Variants in LRRC75B observed in about 807,000 individuals in gnomAD.
LRRC75B encodes leucine-rich repeat-containing protein 75B.
In LRRC75B, 20 loss-of-function variants were observed where a neutral mutation model predicts 16.5. That is an observed-to-expected ratio of 1.21 (90% CI 0.85 to 1.76). LRRC75B has a LOEUF of 1.76. Ranked by LOEUF, LRRC75B falls within the 40% of genes most tolerant of loss-of-function variation. The pLI is 0.00. For missense variants in LRRC75B, 406 were observed against 417.0 expected, an observed-to-expected ratio of 0.97 and a Z score of 0.23; for synonymous variants, 199 against 198.1, an observed-to-expected ratio of 1.00 and a Z score of -0.04.
In LRRC75B at chr22:24,586,163, G is replaced by T. The variant is rs750230451; in HGVS notation, c.671C>A (p.Thr224Asn). Reference protein sequence around the residue: ...LLNGNRLTRATARKLTDAIKD... With the variant: ...LLNGNRLTRANARKLTDAIKD... ...GATGGCATCAGTGAGCTTGCGGGCA[G>T]TGGCCCGCGTCAGTCGGTTGCCGTT... Residue 224 changes from threonine to asparagine, a missense_variant, in exon 4 of 4, where the codon ACT (threonine) becomes AAT (asparagine). Transcript: ENST00000318753. 3.7e-6 allele frequency: 6 copies of T among 1,613,404 alleles called. No individual in the cohort carries two copies. The Admixed American group carries it at 1.0e-4, about 27-fold the overall frequency.
intron 1 of LRRC75B, chr22:24,592,596 C>T (rs1033640060): frequency 3.2e-5 from 16 of 507,580 alleles, no homozygotes; most frequent in Non-Finnish European, 5.2e-5. Context: ...CCCCAAAGAC[C>T]CGGACACACT....
intron 1 of LRRC75B, among the ~76,000 whole-genome samples, chr22:24,591,407 G>A (rs1413636912): frequency 1.3e-5 from 2 of 152,226 alleles, no homozygotes; most frequent in African/African-American, 4.8e-5. Context: ...GACATTTTGA[G>A]AGCTGATGGG....
At chr22:24,590,670 C>G (rs1207707711) in intron 1 of LRRC75B, among the ~76,000 whole-genome samples, 1 of 152,148 alleles carries the variant, frequency 6.6e-6, no homozygotes, top group Non-Finnish European at 1.5e-5. Flanking sequence ...CCCACCTATC[C>G]CTTGGTTTTC....
At position 24,588,264 on chromosome 22, in the gene LRRC75B, G is replaced by C. The variant is rs765558674; in HGVS notation, c.372C>G (p.His124Gln). 6.2e-7 allele frequency: 1 copy of C among 1,613,652 alleles called. No individual in the cohort carries two copies. The highest frequency in any genetic ancestry group is 2.2e-5 in the East Asian group (1 of 44,882). The change falls in exon 3 of 4, where the codon CAC becomes CAG. Residue 124 changes from histidine to glutamine, a missense_variant. Transcript: ENST00000318753. ...CRQLIYHLTP[H>Q]SKQQQGSSLR... ...GGCTGGACCCTTGCTGCTGCTTCGA[G>C]TGAGGGGTGAGGTGGTAGATGAGCT...
chr22:24,591,101 C>T (rs964126409), intron 1 of LRRC75B, among the ~76,000 whole-genome samples: 23 of 152,206 alleles, frequency 1.5e-4, no homozygotes, highest in African/African-American at 7.2e-5. Context: ...TGTTTTGAGA[C>T]GGAGTTTTGC....
chr22:24,591,529 G>A (rs1366996991), intron 1 of LRRC75B, among the ~76,000 whole-genome samples: 1 of 152,214 alleles, frequency 6.6e-6, no homozygotes, highest in African/African-American at 2.4e-5. Context: ...GGCAGGGGAG[G>A]CCGTGGGTCA....
Position 24,585,997 on chromosome 22 carries a change from G to A in LRRC75B, c.837C>T (p.Gly279=). 1 of 1,610,728 alleles carries A rather than the reference G, an allele frequency of 6.2e-7. No individual in the cohort carries two copies. Among genetic ancestry groups the A allele is most frequent in the Non-Finnish European group, 8.5e-7 (1 of 1,179,852 alleles). The change falls in exon 4 of 4, where the codon GGC becomes GGT. Residue 279 remains glycine, a synonymous_variant. Transcript: ENST00000318753. Reference sequence around the variant, plus strand: ...CACTGCCCTCAGGCTCAAGGTCCAGGCCCTCGTAGATGGTGGGGAGTGAGG... The same window carrying A: ...CACTGCCCTCAGGCTCAAGGTCCAGACCCTCGTAGATGGTGGGGAGTGAGG... ...QRTSLPTIYE[G]LDLEPEGSAA... is the part of the protein sequence containing the mutation.
intron 1 of LRRC75B, among the ~76,000 whole-genome samples, chr22:24,591,834 G>A (rs1043218885): frequency 1.3e-5 from 2 of 152,230 alleles, no homozygotes; most frequent in East Asian, 1.9e-4. Context: ...GCCCCAGACC[G>A]CAACCTGCCA....
At chr22:24,592,208 T>A in intron 1 of LRRC75B, 1 of 437,814 alleles carries the variant, frequency 2.3e-6, no homozygotes. Context: ...GGATCTGGGT[T>A]TAGTGTACCT....
chr22:24,588,565 C>T (rs561747361), intron 2 of LRRC75B: 112 of 826,302 alleles, frequency 1.4e-4, no homozygotes, highest in Middle Eastern at 4.0e-4. Flanking sequence ...CCGCAGTGCC[C>T]GGCGGGAGGA....
Position 24,585,920 on chromosome 22 carries a change from A to G in LRRC75B, c.914T>C (p.Leu305Pro), listed in dbSNP as rs1569034006. The change falls in exon 4 of 4, where the codon CTG becomes CCG. Residue 305 changes from leucine (L) to proline (P), a missense_variant. Physicochemically the swap from Leu to Pro is moderately conservative, Grantham distance 98 (BLOSUM62 -3). Coordinates refer to ENST00000318753, the MANE Select transcript of LRRC75B (RefSeq NM_207644.3). ...ASTWDSTAAG[L>P]GPEPQACCAR ...ACAGCAGGCCTGGGGCTCGGGTCCC[A>G]GCCCAGCAGCTGTGGAGTCCCAGGT... 1.2e-6 allele frequency: 2 copies of G among 1,604,866 alleles called. No homozygotes were observed. The highest frequency in any genetic ancestry group is 2.2e-5 in the South Asian group (2 of 90,768).
chr22:24,588,516 G>A, intron 2 of LRRC75B, 187 bp from the exon 3 acceptor site: 1 of 758,244 alleles, frequency 1.3e-6, no homozygotes, highest in Non-Finnish European at 2.1e-6. Context: ...CAGAGCCAGG[G>A]GAGGCTGCCC....
At position 24,587,478 on chromosome 22, in the gene LRRC75B, G is replaced by T. The variant is rs535640374; in HGVS notation, c.422+736C>A. On this transcript the variant is annotated intron_variant, in intron 3 of 3. Coordinates refer to ENST00000318753, the MANE Select transcript of LRRC75B (RefSeq NM_207644.3). The stretch of plus-strand genomic sequence containing the variant: ...AGCCATGGCAGGGAACAACCTTGTG[G>T]GGTCCAAGCTCAGCGTGGCCTATTA... 2.6e-5 allele frequency among the ~76,000 whole-genome samples: 4 copies of T among 152,330 alleles called. No individual in the cohort carries two copies. In the East Asian group the frequency reaches 5.8e-4, roughly 22 times the overall value.
Position 24,588,239 on chromosome 22 carries a change from G to GTA in LRRC75B, c.396_397insTA (p.Leu133TyrfsTer44). 1 of 1,613,338 alleles carries GTA rather than the reference G, an allele frequency of 6.2e-7. No individual in the cohort carries two copies. Among genetic ancestry groups the GTA allele is most frequent in the East Asian group, 2.2e-5 (1 of 44,880 alleles). ...CAGCTCTGGGTCTTCCTCTGGCGCA[G>GTA]GCTGGACCCTTGCTGCTGCTTCGAG... is the stretch of plus-strand genomic sequence containing the variant. On this transcript the variant is annotated frameshift_variant, in exon 3 of 4. Transcript: ENST00000318753. LOFTEE classifies it low-confidence loss of function (END_TRUNC).
intron 3 of LRRC75B, among the ~76,000 whole-genome samples, chr22:24,587,414 G>A (rs12158094): frequency 2.8e-4 from 42 of 152,334 alleles, no homozygotes; most frequent in African/African-American, 8.9e-4. Context: ...GGCCTTTTGG[G>A]GGACTGACAG....
chr22:24,586,501 C>A (rs2045397776), intron 3 of LRRC75B, 90 bp from the exon 4 acceptor site: 2 of 1,351,918 alleles, frequency 1.5e-6, no homozygotes, highest in Admixed American at 4.4e-5. Flanking sequence ...ACAGCCCAGG[C>A]CTACAGTCTG....
rs2045517073 is a variant in LRRC75B at position 24,589,876 on chromosome 22, G to A, written c.251C>T (p.Pro84Leu). ...GTTCACAAGCAGGTCATGGGAGATGGGGTCGACCGGGTTGAGGAAGGCCAC... is the reference window on the plus strand; with the variant it reads ...GTTCACAAGCAGGTCATGGGAGATGAGGTCGACCGGGTTGAGGAAGGCCAC... ...RDVAFLNPVD[P>L]ISHDLLVNLA... The change falls in exon 2 of 4, where the codon CCC becomes CTC. Residue 84 changes from proline to leucine, a missense_variant. Coordinates refer to ENST00000318753, the MANE Select transcript of LRRC75B (RefSeq NM_207644.3). 1.2e-6 allele frequency: 2 copies of A among 1,613,810 alleles called. No individual in the cohort carries two copies. Among genetic ancestry groups the A allele is most frequent in the Admixed American group, 1.7e-5 (1 of 59,962 alleles).
Position 24,585,828 on chromosome 22 carries a change from A to G in LRRC75B, c.*58T>C. 1.4e-6 allele frequency: 2 copies of G among 1,454,554 alleles called. No individual in the cohort carries two copies. Among genetic ancestry groups the G allele is most frequent in the South Asian group, 1.4e-5 (1 of 73,958 alleles). The allele number at this position is 1,454,554 out of a possible 1,614,324, so 90.1% of individuals were successfully genotyped here. A position where few individuals can be genotyped will look rare whatever the true frequency, so the allele number is the denominator to read the frequency against. On this transcript the variant is annotated 3_prime_UTR_variant, in exon 4 of 4. Transcript: ENST00000318753. ...GAGTCCTCCTTGACCTTCATCGCCCACTATCATGTGCTTGAGAGCATCACA... is the reference window on the plus strand; with the variant it reads ...GAGTCCTCCTTGACCTTCATCGCCCGCTATCATGTGCTTGAGAGCATCACA...
chr22:24,592,795 TCCCAGACC>T (rs1362035912), intron 1 of LRRC75B, 60 bp downstream of exon 1: 8 of 1,259,394 alleles, frequency 6.4e-6, no homozygotes, highest in East Asian at 3.6e-5. Context: ...GCCCCGCGCC[TCCCAGACC>T]CCCAGACCCC....
Sources: gnomAD v4.1 joint callset for allele counts (sites outside exome capture counted in the v4.1 genomes callset) on GRCh38, gnomAD v4.1.1 for gene constraint, MANE v1.5 for transcripts, NCBI Gene and HGNC (gene_info 2026-07-23, HGNC 2026-07-21) for gene names.